The following ZC3H4 variants were observed in gnomAD, a reference collection of about 807,000 sequenced individuals.
ZC3H4 encodes zinc finger CCCH domain-containing protein 4.
In ZC3H4, 13 loss-of-function variants were observed where a neutral mutation model predicts 108.3. The ratio of observed to expected loss-of-function variants is 0.12; its 90% CI spans 0.08 to 0.19. The LOEUF is 0.19. Among genes scored for constraint, ZC3H4 ranks in the 10% least tolerant of loss-of-function variants. ZC3H4 has a pLI of 1.00. For missense variants in ZC3H4, 1,734 were observed against 1,838.8 expected (o/e 0.94, Z 1.04); for synonymous variants, 917 against 749.6 (o/e 1.22, Z -3.65).
chr19:47,084,446 C>T lies in ZC3H4; in HGVS notation c.1117G>A (p.Gly373Ser), dbSNP rs968067664. The T allele has an allele frequency of 1.9e-6, 3 of 1,614,070 alleles. No homozygotes were observed. The highest frequency in any genetic ancestry group is 2.7e-5 in the African/African-American group (2 of 74,932). The part of the protein sequence containing the change: ...FYDEDMGDGG[G>S]GSYRSRDHDK... ...TGGTCACGACTCCGGTAGCTTCCAC[C>T]ACCACCGTCCTGCAATGGACAGGGT... Residue 373 changes from glycine to serine, a missense_variant, in exon 9 of 15, where the codon GGT (glycine) becomes AGT (serine). Around this residue, in one of 9 missense-constraint regions of ZC3H4, gnomAD observed 403 missense variants for 457.0 expected, o/e 0.88. Transcript: ENST00000253048.
At chr19:47,071,690 A>T in intron 13 of ZC3H4, 88 bp downstream of exon 13, 1 of 1,398,286 alleles carries the variant, frequency 7.2e-7, no homozygotes, top group Admixed American at 2.5e-5. Flanking sequence ...AGAGACTTGG[A>T]CGAAGGAAGA....
rs1336033151 is a variant in ZC3H4 at position 47,066,276 on chromosome 19, G to A, written c.*80C>T. 4 of 1,188,878 alleles carry A rather than the reference G, an allele frequency of 3.4e-6. No homozygotes were observed. The highest frequency in any genetic ancestry group is 4.5e-6 in the Non-Finnish European group (4 of 896,062). The allele number at this position is 1,188,878 out of a possible 1,614,324, so 73.6% of individuals were successfully genotyped here. On this transcript the variant is annotated 3_prime_UTR_variant, in exon 15 of 15. Transcript: ENST00000253048. Reference sequence around the variant, plus strand: ...AGGAACACCCAGCCTGCCTCCCCTTGCCCCCAAGTTCCCTACCCTGGGTGC... The same window carrying A: ...AGGAACACCCAGCCTGCCTCCCCTTACCCCCAAGTTCCCTACCCTGGGTGC...
In ZC3H4 at chr19:47,071,681, G is replaced by A. The variant is rs373832856; in HGVS notation, c.2146+97C>T. ...ACAGAGATGGAGTCATGCTTTCAAAGAGACTTGGACGAAGGAAGAAAAATC... is the reference window on the plus strand; with the variant it reads ...ACAGAGATGGAGTCATGCTTTCAAAAAGACTTGGACGAAGGAAGAAAAATC... On this transcript the variant is annotated intron_variant, in intron 13 of 14. Coordinates refer to ENST00000253048, the MANE Select transcript of ZC3H4 (RefSeq NM_015168.2). 4 of 1,315,620 alleles carry A rather than the reference G, an allele frequency of 3.0e-6. No individual in the cohort carries two copies. In the African/African-American group the frequency reaches 5.9e-5, roughly 20 times the overall value. The allele number at this position is 1,315,620 out of a possible 1,614,324, so 81.5% of individuals were successfully genotyped here. A position where few individuals can be genotyped will look rare whatever the true frequency, so the allele number is the denominator to read the frequency against.
chr19:47,067,898 G>T lies in ZC3H4; in HGVS notation c.2399-29C>A. The stretch of plus-strand genomic sequence containing the variant: ...GGAAAGAACAGAGGAGCAGGGAGGG[G>T]TGAGTGGGCGCATCCACCACCCGCC... On this transcript the variant is annotated intron_variant, in intron 14 of 14. Transcript: ENST00000253048. This position sits in a 1 kb window ranked among gnomAD's most constrained non-coding sequence, Gnocchi z 6.4. 1.3e-6 allele frequency: 2 copies of T among 1,552,084 alleles called. No homozygotes were observed. Among genetic ancestry groups the T allele is most frequent in the Non-Finnish European group, 1.7e-6 (2 of 1,152,842 alleles).
At chr19:47,101,601 G>A (rs574208248) in intron 2 of ZC3H4, among the ~76,000 whole-genome samples, 4 of 151,794 alleles carry the variant, frequency 2.6e-5, no homozygotes, top group South Asian at 2.1e-4. Context: ...GGCCAGGTAC[G>A]GTGGCTCATG....
chr19:47,095,770 T>G (rs570263902), intron 2 of ZC3H4, among the ~76,000 whole-genome samples: 18 of 152,164 alleles, frequency 1.2e-4, no homozygotes, highest in Non-Finnish European at 2.4e-4. Context: ...ACAATCTTTT[T>G]GAATAATTTT....
chr19:47,110,844 G>A (rs1477484834), intron 2 of ZC3H4: 21 of 912,408 alleles, frequency 2.3e-5, no homozygotes, highest in Non-Finnish European at 2.7e-5. Flanking sequence ...TTCCCAGGAC[G>A]ATACATTTAA....
At position 47,088,973 on chromosome 19, in the gene ZC3H4, C is replaced by T. The variant is rs537511230; in HGVS notation, c.715+994G>A. On this transcript the variant is annotated intron_variant, in intron 5 of 14. Transcript: ENST00000253048. ...CTGTAATCCCAGCACTTTGGGAGGCCGAGGTGGGCAGATCACGAGGTCACG... is the reference window on the plus strand; with the variant it reads ...CTGTAATCCCAGCACTTTGGGAGGCTGAGGTGGGCAGATCACGAGGTCACG... 8.2e-4 allele frequency among the ~76,000 whole-genome samples: 124 copies of T among 151,746 alleles called. 1 individual carries two copies. Among genetic ancestry groups the T allele is most frequent in the Admixed American group, 7.5e-3 (114 of 15,236 alleles).
intron 2 of ZC3H4, among the ~76,000 whole-genome samples, chr19:47,099,813 C>CA (rs1321748829): frequency 4.0e-5 from 3 of 75,130 alleles, no homozygotes; most frequent in Non-Finnish European, 7.6e-5. Flanking sequence ...ACCTGGTTTA[C>CA]AAGAGTTTAA....
In ZC3H4 at chr19:47,072,060, C is replaced by G. The variant is rs1445221864; in HGVS notation, c.1864G>C (p.Gly622Arg). 6.3e-7 allele frequency: 1 copy of G among 1,581,702 alleles called. No homozygotes were observed. The highest frequency in any genetic ancestry group is 1.1e-5 in the South Asian group (1 of 87,528). ...GGATGCATTGGACCGCCCATTGGCC[C>G]TGGGGGTCCCATGTTGGGCCCAGGG... Reference protein sequence around the residue: ...MGPGPNMGPPGPMGGPMHPDM... With the variant: ...MGPGPNMGPPRPMGGPMHPDM... The change falls in exon 13 of 15, where the codon GGG (glycine) becomes CGG (arginine). Residue 622 changes from glycine (G) to arginine (R), a missense_variant. This residue lies in a region of ZC3H4 where 540 missense variants were observed against 484.1 expected (regional missense o/e 1.12). Coordinates refer to ENST00000253048, the MANE Select transcript of ZC3H4 (RefSeq NM_015168.2). This position sits in a 1 kb window ranked among gnomAD's most constrained non-coding sequence, Gnocchi z 5.6.
chr19:47,085,220 A>C (rs1178991205), intron 7 of ZC3H4, 25 bp from the exon 8 acceptor site: 1 of 1,588,766 alleles, frequency 6.3e-7, no homozygotes, highest in South Asian at 1.1e-5. Flanking sequence ...TTGTGTGAAG[A>C]CCTGCTGACC....
Position 47,072,193 on chromosome 19 carries a change from G to T in ZC3H4, c.1803-72C>A. The T allele has an allele frequency of 7.0e-7, 1 of 1,430,840 alleles. No individual in the cohort carries two copies. Among genetic ancestry groups the T allele is most frequent in the Non-Finnish European group, 9.3e-7 (1 of 1,073,346 alleles). 88.6% of individuals were successfully genotyped at this position (1,430,840 alleles called of 1,614,324 possible). A position where few individuals can be genotyped will look rare whatever the true frequency, so the allele number is the denominator to read the frequency against. ...AGTGGCCACACCCCAGAGGAGAGGC[G>T]GAGGGCTGCAGAGCCGAAGGTCATG... On this transcript the variant is annotated intron_variant, in intron 12 of 14. Coordinates refer to ENST00000253048, the MANE Select transcript of ZC3H4 (RefSeq NM_015168.2). This position sits in a 1 kb window ranked among gnomAD's most constrained non-coding sequence, Gnocchi z 5.6.
chr19:47,112,396 G>T, intron 2 of ZC3H4, 28 bp downstream of exon 2: 1 of 1,232,360 alleles, frequency 8.1e-7, no homozygotes, highest in Non-Finnish European at 1.0e-6. Flanking sequence ...CCCCGGGGAC[G>T]CAGCCCCGGC....
intron 2 of ZC3H4, among the ~76,000 whole-genome samples, chr19:47,101,831 G>A (rs866289068): frequency 2.7e-5 from 4 of 149,230 alleles, no homozygotes; most frequent in Non-Finnish European, 5.9e-5. Context: ...TCGCACCACT[G>A]CACTCCAGCC....
At chr19:47,098,049 G>A (rs893408294) in intron 2 of ZC3H4, among the ~76,000 whole-genome samples, 11 of 152,280 alleles carry the variant, frequency 7.2e-5, no homozygotes, top group Non-Finnish European at 1.0e-4. Context: ...CAAAGCTCCC[G>A]GGTATTTCGG....
chr19:47,093,506 C>T (rs900803952), intron 4 of ZC3H4, among the ~76,000 whole-genome samples: 1 of 152,152 alleles, frequency 6.6e-6, no homozygotes, highest in African/African-American at 2.4e-5. Context: ...GGAGGAGGCT[C>T]GAGAACATGC....
At position 47,112,443 on chromosome 19, in the gene ZC3H4, G is replaced by A. The variant is rs2058052466; in HGVS notation, c.142C>T (p.Leu48Phe). The change falls in exon 2 of 15, where the codon CTC (leucine) becomes TTC (phenylalanine). Residue 48 changes from leucine to phenylalanine, a missense_variant. By Grantham distance (22) the Leu-to-Phe change is conservative (BLOSUM62 0). Around this residue, in one of 9 missense-constraint regions of ZC3H4, gnomAD observed 112 missense variants for 73.3 expected, o/e 1.53. Transcript: ENST00000253048. ...CCTGACCTGTCGTCAGGGAGCGGGA[G>A]GCGGTGGTGGAGGAGGTGCGGGGTG... ...PATPHLLHHR[L>F]PLPDDREDGE... The A allele has an allele frequency of 1.6e-6, 2 of 1,236,944 alleles. No homozygotes were observed. The highest frequency in any genetic ancestry group is 8.4e-5 in the Admixed American group (2 of 23,674). The allele number at this position is 1,236,944 out of a possible 1,614,324, so 76.6% of individuals were successfully genotyped here. A position where few individuals can be genotyped will look rare whatever the true frequency, so the allele number is the denominator to read the frequency against.
rs556481361 is a variant in ZC3H4 at position 47,106,842 on chromosome 19, TC to T, written c.161+5581del. Among the ~76,000 whole-genome samples the T allele has an allele frequency of 2.7e-3, 404 of 152,298 alleles. 1 individual carries two copies. The highest frequency in any genetic ancestry group is 9.6e-3 in the African/African-American group (397 of 41,556). Reference sequence around the variant, plus strand: ...CTGAATGAACAAAACCTTATCTGACTCAGCCAGATCCCAAAGGAGTGAAGAA... The same window carrying T: ...CTGAATGAACAAAACCTTATCTGACTAGCCAGATCCCAAAGGAGTGAAGAA... On this transcript the variant is annotated intron_variant, in intron 2 of 14. Transcript: ENST00000253048.
chr19:47,087,297 C>CAAAA (rs113461090), intron 5 of ZC3H4, among the ~76,000 whole-genome samples: 1 of 146,500 alleles, frequency 6.8e-6, no homozygotes, highest in African/African-American at 2.6e-5. Flanking sequence ...CACACACACA[C>CAAAA]AAAAAAAAAC....
Sources: gnomAD v4.1 joint callset for allele counts (sites outside exome capture counted in the v4.1 genomes callset) on GRCh38, gnomAD v4.1.1 for gene constraint, gnomAD v4.1.1 regional missense constraint, Gnocchi (gnomAD v3.1) non-coding constraint, MANE v1.5 for transcripts, NCBI Gene and HGNC (gene_info 2026-07-23, HGNC 2026-07-21) for gene names.